Variants in ARHGAP15 observed in about 807,000 individuals in gnomAD.
ARHGAP15 encodes rho GTPase-activating protein 15.
In ARHGAP15, 51 loss-of-function variants were observed where a neutral mutation model predicts 63.7. That is an observed-to-expected ratio of 0.80 (90% confidence interval 0.64 to 1.01). The LOEUF is 1.01. Among genes scored for constraint, ARHGAP15 ranks in the 50% least tolerant of loss-of-function variants. The probability of loss-of-function intolerance (pLI) is 0.00; values close to 1 mark genes in which losing one functional copy is unlikely to be tolerated. For synonymous variants in ARHGAP15, 191 were observed against 193.8 expected, an observed-to-expected ratio of 0.99 and a Z score of 0.12; for missense variants, 560 against 564.6, an observed-to-expected ratio of 0.99 and a Z score of 0.08.
intron 11 of ARHGAP15, among the ~76,000 whole-genome samples, chr2:143,606,071 G>GAAAAAAAAA (rs59542668): frequency 3.0e-5 from 2 of 66,040 alleles, no homozygotes; most frequent in East Asian, 9.6e-4. Flanking sequence ...AAAAAAAAAA[G>GAAAAAAAAA]CCATACATCT....
chr2:143,503,284 C>A (rs189154586), intron 9 of ARHGAP15, among the ~76,000 whole-genome samples: 1 of 152,166 alleles, frequency 6.6e-6, no homozygotes, highest in East Asian at 1.9e-4. Context: ...TCTTTTTGTG[C>A]TTGGGTGTGT....
At chr2:143,238,653 G>C (rs1437056962) in intron 5 of ARHGAP15, among the ~76,000 whole-genome samples, 2 of 152,136 alleles carry the variant, frequency 1.3e-5, no homozygotes, top group Non-Finnish European at 2.9e-5. Context: ...CAAAGACCTA[G>C]AGTCAGAAAT....
At chr2:143,640,155 T>G (rs6430039) in intron 12 of ARHGAP15, among the ~76,000 whole-genome samples, 149,782 of 152,166 alleles carry the variant, frequency 0.98, 73,752 homozygotes, top group East Asian at 1. Flanking sequence ...TAGGAGACAT[T>G]TCTTACTGAT....
intron 10 of ARHGAP15, among the ~76,000 whole-genome samples, chr2:143,541,505 G>A (rs945558129): frequency 1.3e-5 from 2 of 152,138 alleles, no homozygotes; most frequent in Non-Finnish European, 2.9e-5. Flanking sequence ...CATCTTTGTG[G>A]TTTTATCTAC....
At chr2:143,436,281 C>T (rs1689609378) in intron 7 of ARHGAP15, among the ~76,000 whole-genome samples, 1 of 152,092 alleles carries the variant, frequency 6.6e-6, no homozygotes, top group South Asian at 2.1e-4. Flanking sequence ...AATTTTATGA[C>T]ACTAATATTT....
At chr2:143,197,416 T>C (rs1691923470) in intron 2 of ARHGAP15, among the ~76,000 whole-genome samples, 1 of 152,000 alleles carries the variant, frequency 6.6e-6, no homozygotes, top group Non-Finnish European at 1.5e-5. Context: ...TAACATTTTC[T>C]GTTATTTATA....
At chr2:143,176,830 C>G (rs1691027297) in intron 2 of ARHGAP15, among the ~76,000 whole-genome samples, 1 of 152,180 alleles carries the variant, frequency 6.6e-6, no homozygotes, top group South Asian at 2.1e-4. Context: ...AGTTCTCTCA[C>G]ATGATTGAAA....
At chr2:143,283,277 GT>G (rs1681943294) in intron 6 of ARHGAP15, among the ~76,000 whole-genome samples, 1 of 152,094 alleles carries the variant, frequency 6.6e-6, no homozygotes, top group Non-Finnish European at 1.5e-5. Flanking sequence ...ACACTATCTA[GT>G]TTGAAACTGC....
At chr2:143,323,489 C>A (rs898900998) in intron 6 of ARHGAP15, among the ~76,000 whole-genome samples, 1 of 152,156 alleles carries the variant, frequency 6.6e-6, no homozygotes, top group Non-Finnish European at 1.5e-5. Flanking sequence ...ATAAACACTT[C>A]GGACAGGGAT....
chr2:143,320,408 AC>A (rs1157521605), intron 6 of ARHGAP15, among the ~76,000 whole-genome samples: 1,051 of 26,278 alleles, frequency 0.04, 18 homozygotes, highest in South Asian at 0.089. Flanking sequence ...GGACTTCCCC[AC>A]CCCCCCCCCC....
At chr2:143,387,287 A>G (rs1687326326) in intron 6 of ARHGAP15, among the ~76,000 whole-genome samples, 1 of 152,190 alleles carries the variant, frequency 6.6e-6, no homozygotes, top group South Asian at 2.1e-4. Flanking sequence ...AATGAAAGTA[A>G]TTTTTATCTG....
chr2:143,163,656 C>T (rs548205942), intron 2 of ARHGAP15, among the ~76,000 whole-genome samples: 17 of 151,982 alleles, frequency 1.1e-4, no homozygotes, highest in Non-Finnish European at 1.8e-4. Context: ...AGAGATCATT[C>T]TATTGCCAAG....
At chr2:143,209,880 T>C (rs528948352) in intron 3 of ARHGAP15, among the ~76,000 whole-genome samples, 48 of 152,184 alleles carry the variant, frequency 3.2e-4, no homozygotes, top group Non-Finnish European at 5.7e-4. Context: ...TCAGAAGCCA[T>C]TGAAACACAG....
intron 1 of ARHGAP15, among the ~76,000 whole-genome samples, chr2:143,149,688 A>G (rs1405511173): frequency 6.6e-6 from 1 of 152,054 alleles, no homozygotes; most frequent in South Asian, 2.1e-4. Flanking sequence ...CTTATAATAA[A>G]ATATCCATAG....
At chr2:143,188,395 A>T (rs1691530355) in intron 2 of ARHGAP15, among the ~76,000 whole-genome samples, 1 of 151,856 alleles carries the variant, frequency 6.6e-6, no homozygotes, top group African/African-American at 2.4e-5. Context: ...TTTTCCAAAA[A>T]TATCAACAAA....
chr2:143,525,940 G>GT (rs1344374170), intron 10 of ARHGAP15, among the ~76,000 whole-genome samples: 5 of 152,126 alleles, frequency 3.3e-5, no homozygotes, highest in African/African-American at 1.2e-4. Context: ...TGCTTGTGAG[G>GT]TCTGTAAGAA....
In ARHGAP15 at chr2:143,538,890, C is replaced by T. The variant is rs531244883; in HGVS notation, c.926-17518C>T. On this transcript the variant is annotated intron_variant, in intron 10 of 13. Transcript: ENST00000295095. ...GCTTTGGTATCAGGACGATGCTGGT[C>T]TCATAAAATGAGTTAGGGAGGATTC... 4.2e-4 allele frequency among the ~76,000 whole-genome samples: 64 copies of T among 152,296 alleles called. 2 individuals are homozygous for T. In the South Asian group the frequency reaches 0.013, roughly 31 times the overall value.
At chr2:143,300,571 C>T (rs1682850001) in intron 6 of ARHGAP15, among the ~76,000 whole-genome samples, 2 of 151,954 alleles carry the variant, frequency 1.3e-5, no homozygotes, top group Non-Finnish European at 2.9e-5. Context: ...CTTGGTTAGG[C>T]AGCTCTCCCC....
intron 5 of ARHGAP15, among the ~76,000 whole-genome samples, chr2:143,249,209 A>G (rs1339986412): frequency 1.3e-5 from 2 of 152,136 alleles, no homozygotes; most frequent in Non-Finnish European, 2.9e-5. Flanking sequence ...CAAAAAAGGT[A>G]GATATGCTAT....
Sources: gnomAD v4.1 joint callset for allele counts (sites outside exome capture counted in the v4.1 genomes callset) on GRCh38, gnomAD v4.1.1 for gene constraint, MANE v1.5 for transcripts, NCBI Gene and HGNC (gene_info 2026-07-23, HGNC 2026-07-21) for gene names.